Variants in SPRED2 observed in about 807,000 individuals in gnomAD.
The protein encoded by SPRED2 is sprouty related EVH1 domain containing 2, also known as sprouty-related, EVH1 domain-containing protein 2.
SPRED2 carries 47 observed loss-of-function variants against 43.0 expected under a neutral mutation model. That is an observed-to-expected ratio of 1.09 (90% CI 0.87 to 1.40). The LOEUF (loss-of-function observed/expected upper bound fraction) is 1.40, where lower values mean the gene tolerates loss of function less well. SPRED2 is among the 40% of genes most tolerant of loss of function. The pLI is 0.00. For synonymous variants in SPRED2, 225 were observed against 225.7 expected, an observed-to-expected ratio of 1.00 and a Z score of 0.03; for missense variants, 561 against 586.4, an observed-to-expected ratio of 0.96 and a Z score of 0.45.
chr2:65,384,755 C>A (rs1019784858), intron 1 of SPRED2, among the ~76,000 whole-genome samples: 1 of 152,180 alleles, frequency 6.6e-6, no homozygotes, highest in African/African-American at 2.4e-5. Flanking sequence ...CCTGTCAGGT[C>A]CCCATTCAGA....
chr2:65,420,173 G>A (rs1006250172), intron 1 of SPRED2, among the ~76,000 whole-genome samples: 1 of 134,944 alleles, frequency 7.4e-6, no homozygotes, highest in Non-Finnish European at 1.5e-5. Flanking sequence ...CTGCACCACT[G>A]CATTCCAGCC....
At position 65,339,099 on chromosome 2, in the gene SPRED2, GGC is replaced by G. The variant is rs1445138867; in HGVS notation, c.205-4328_205-4327del. The stretch of plus-strand genomic sequence containing the variant: ...GCCGCTCCGTCCGGGAGGGAGGTTG[GGC>G]GGGGGGTCAGCGCCCCCTCCCGGCC... On this transcript the variant is annotated intron_variant, in intron 2 of 5. Transcript: ENST00000356388. 7.7e-3 allele frequency among the ~76,000 whole-genome samples: 585 copies of G among 75,708 alleles called. 11 individuals carry two copies. Among genetic ancestry groups the G allele is most frequent in the Non-Finnish European group, 0.01 (394 of 38,374 alleles). 49.7% of individuals were successfully genotyped at this position (75,708 alleles called of 152,430 possible).
chr2:65,314,245 TC>T, intron 5 of SPRED2, 76 bp from the exon 6 acceptor site: 1 of 1,400,592 alleles, frequency 7.1e-7, no homozygotes, highest in Non-Finnish European at 9.6e-7. Context: ...CCCCACCTTC[TC>T]CCTCCCTAGC....
chr2:65,389,039 A>G (rs2103677442), intron 1 of SPRED2, among the ~76,000 whole-genome samples: 1 of 152,282 alleles, frequency 6.6e-6, no homozygotes, highest in Non-Finnish European at 1.5e-5. Flanking sequence ...TCAGGGCTGC[A>G]GGACTCCTGC....
At chr2:65,424,532 T>C (rs1178170511) in intron 1 of SPRED2, among the ~76,000 whole-genome samples, 1 of 151,964 alleles carries the variant, frequency 6.6e-6, no homozygotes, top group African/African-American at 2.4e-5. Flanking sequence ...GAGGCTGAGA[T>C]GGGAGCACTG....
intron 1 of SPRED2, among the ~76,000 whole-genome samples, chr2:65,384,969 C>CTTT (rs1553424657): frequency 0.097 from 2,861 of 29,418 alleles, 87 homozygotes; most frequent in African/African-American, 0.26. Flanking sequence ...TTGCTTTCCA[C>CTTT]TTCTTCTTTT....
chr2:65,429,432 G>C (rs1037100816), intron 1 of SPRED2, among the ~76,000 whole-genome samples: 4 of 152,016 alleles, frequency 2.6e-5, no homozygotes, highest in South Asian at 4.2e-4. Flanking sequence ...CCCAAAGTAG[G>C]AATCTAGCAA....
downstream of SPRED2, among the ~76,000 whole-genome samples, chr2:65,308,982 C>G (rs984017658): frequency 3.3e-5 from 5 of 151,842 alleles, no homozygotes; most frequent in African/African-American, 1.2e-4. Context: ...CATGGTGAAA[C>G]CCTGTCTCTA....
chr2:65,316,847 T>A lies in SPRED2; in HGVS notation c.475A>T (p.Arg159Ter), dbSNP rs1673254560. Residue 159 changes from arginine to a stop codon, truncating the protein, a stop_gained, in exon 5 of 6, where the codon AGA becomes TGA. Coordinates refer to ENST00000356388, the MANE Select transcript of SPRED2 (RefSeq NM_181784.3). LOFTEE classifies it high-confidence loss of function. ...GAGATTGTCCGAGTAGGTTGCTCTC[T>A]CTTCTGAGAGGAATTAGAAGAACTG... is the stretch of plus-strand genomic sequence containing the variant. Reference protein sequence around the residue: ...TDSSSNSSQKREQPTRTISSP... With the variant: ...TDSSSNSSQK The A allele has an allele frequency of 6.2e-7, 1 of 1,613,848 alleles. No individual in the cohort carries two copies. Among genetic ancestry groups the A allele is most frequent in the Admixed American group, 1.7e-5 (1 of 59,982 alleles).
chr2:65,313,300 T>C lies in SPRED2; in HGVS notation c.*201A>G, dbSNP rs375623089. ...AGCGTGTGTGTATGGATGTGGCTGCTGCAGTGTGGGCGGCAGGGGGAGTGG... is the reference window on the plus strand; with the variant it reads ...AGCGTGTGTGTATGGATGTGGCTGCCGCAGTGTGGGCGGCAGGGGGAGTGG... On this transcript the variant is annotated 3_prime_UTR_variant, in exon 6 of 6. Transcript: ENST00000356388. 6.3e-6 allele frequency: 9 copies of C among 1,427,238 alleles called. No homozygotes were observed. The East Asian group carries it at 2.3e-4, about 36-fold the overall frequency. 88.4% of individuals were successfully genotyped at this position (1,427,238 alleles called of 1,614,324 possible). A position where few individuals can be genotyped will look rare whatever the true frequency, so the allele number is the denominator to read the frequency against.
intron 1 of SPRED2, among the ~76,000 whole-genome samples, chr2:65,372,769 G>A (rs1675156906): frequency 6.6e-6 from 1 of 152,152 alleles, no homozygotes; most frequent in African/African-American, 2.4e-5. Context: ...TATTCCTTAA[G>A]GAGCACTTGC....
intron 1 of SPRED2, among the ~76,000 whole-genome samples, chr2:65,431,016 A>T (rs542783010): frequency 6.6e-6 from 1 of 151,938 alleles, no homozygotes; most frequent in East Asian, 1.9e-4. Context: ...AACGCCTCAG[A>T]CCAGGGAGGG....
chr2:65,363,005 GTTTTTTTTT>G (rs113081105), intron 1 of SPRED2, among the ~76,000 whole-genome samples: 4 of 121,072 alleles, frequency 3.3e-5, no homozygotes, highest in East Asian at 2.2e-4. Context: ...ATCATGTTTT[GTTTTTTTTT>G]TTTTTTTTTT....
Position 65,311,181 on chromosome 2 carries a change from T to C in SPRED2, c.*2320A>G, listed in dbSNP as rs746921857. 1.8e-4 allele frequency: 177 copies of C among 985,664 alleles called. No homozygotes were observed. The highest frequency in any genetic ancestry group is 2.0e-4 in the Non-Finnish European group (170 of 829,898). 61.1% of individuals were successfully genotyped at this position (985,664 alleles called of 1,614,324 possible). The stretch of plus-strand genomic sequence containing the variant: ...ACAAAAATAAAATCTGAATAATTTC[T>C]CTCAAATGATTGACGTCAGTATGGC... On this transcript the variant is annotated 3_prime_UTR_variant, in exon 6 of 6. Coordinates refer to ENST00000356388, the MANE Select transcript of SPRED2 (RefSeq NM_181784.3).
At chr2:65,350,386 T>C (rs774737508) in intron 1 of SPRED2, among the ~76,000 whole-genome samples, 4 of 152,122 alleles carry the variant, frequency 2.6e-5, no homozygotes, top group Non-Finnish European at 5.9e-5. Context: ...GGTGTGGATC[T>C]AGTGAAGCTC....
intron 1 of SPRED2, among the ~76,000 whole-genome samples, chr2:65,346,328 A>ATT (rs142250100): frequency 1.4e-5 from 2 of 144,162 alleles, no homozygotes; most frequent in African/African-American, 5.1e-5. Context: ...CATTCCTTTC[A>ATT]TTTTTTTTTT....
Position 65,311,457 on chromosome 2 carries a change from C to T in SPRED2, c.*2044G>A. The T allele has an allele frequency of 1.0e-6, 1 of 985,822 alleles. No homozygotes were observed. 61.1% of individuals were successfully genotyped at this position (985,822 alleles called of 1,614,324 possible). A position where few individuals can be genotyped will look rare whatever the true frequency, so the allele number is the denominator to read the frequency against. On this transcript the variant is annotated 3_prime_UTR_variant, in exon 6 of 6. Transcript: ENST00000356388. ...AAAAAACAGCTGGGATATGTGCGTTCTTATTGAAATAAATAGGGGCACTTG... is the reference window on the plus strand; with the variant it reads ...AAAAAACAGCTGGGATATGTGCGTTTTTATTGAAATAAATAGGGGCACTTG...
In SPRED2 at chr2:65,314,311, G is replaced by A. The variant is rs559601953; in HGVS notation, c.589-142C>T. 4 of 779,338 alleles carry A rather than the reference G, an allele frequency of 5.1e-6. No homozygotes were observed. The South Asian group carries it at 7.6e-5, about 15-fold the overall frequency. 48.3% of individuals were successfully genotyped at this position (779,338 alleles called of 1,614,324 possible). A position where few individuals can be genotyped will look rare whatever the true frequency, so the allele number is the denominator to read the frequency against. On this transcript the variant is annotated intron_variant, in intron 5 of 5. Transcript: ENST00000356388. ...CATCACGATGCTCCGTGAAGAAACA[G>A]ACCCTTCCTGAAATTACTGAATATC... is the stretch of plus-strand genomic sequence containing the variant.
At position 65,367,855 on chromosome 2, in the gene SPRED2, C is replaced by G. The variant is rs147120266; in HGVS notation, c.27-22959G>C. 5.1e-4 allele frequency among the ~76,000 whole-genome samples: 78 copies of G among 152,276 alleles called. 1 individual carries two copies. The East Asian group carries it at 6.8e-3, about 13-fold the overall frequency. On this transcript the variant is annotated intron_variant, in intron 1 of 5. Coordinates refer to ENST00000356388, the MANE Select transcript of SPRED2 (RefSeq NM_181784.3). Reference sequence around the variant, plus strand: ...TCACATCCATAGTCTCTTAAACCAGCAGGCCCTTTGGTAATGTGGCACAGG... The same window carrying G: ...TCACATCCATAGTCTCTTAAACCAGGAGGCCCTTTGGTAATGTGGCACAGG...
Sources: allele counts gnomAD v4.1 joint callset (sites outside exome capture counted in the v4.1 genomes callset), GRCh38; gene constraint gnomAD v4.1.1; transcripts MANE v1.5; gene names NCBI Gene and HGNC (gene_info 2026-07-23, HGNC 2026-07-21).